XKR9: variants seen among roughly 807,000 people sequenced by gnomAD.
The protein encoded by XKR9 is XK related 9.
XKR9 carries 32 observed loss-of-function variants against 32.0 expected under a neutral mutation model. That is an observed-to-expected ratio of 1.00 (90% confidence interval 0.76 to 1.34). The LOEUF (loss-of-function observed/expected upper bound fraction) is 1.34, where lower values mean the gene tolerates loss of function less well. XKR9 is among the 40% of genes most tolerant of loss of function. XKR9 has a pLI of 0.00. For synonymous variants in XKR9, 168 were observed against 143.4 expected, an observed-to-expected ratio of 1.17 and a Z score of -1.22; for missense variants, 546 against 429.7, an observed-to-expected ratio of 1.27 and a Z score of -2.39.
the XKR9 span, among the ~76,000 whole-genome samples, chr8:70,880,163 TATC>T: frequency 2.0e-5 from 3 of 152,162 alleles, no homozygotes; most frequent in Non-Finnish European, 2.9e-5. Context: ...CCATAGTCAA[TATC>T]ATACTGAATG....
chr8:70,700,482 G>A (rs1425073423), intron 3 of XKR9, among the ~76,000 whole-genome samples: 1 of 152,172 alleles, frequency 6.6e-6, no homozygotes, highest in Non-Finnish European at 1.5e-5. Flanking sequence ...CAGCAGCGGT[G>A]GCTGCAGCAC....
At chr8:70,669,606 C>CTGTGTGTGTG (rs71560431) in intron 1 of XKR9, 68 bp downstream of exon 1, 2 of 148,038 alleles carry the variant, frequency 1.4e-5, no homozygotes, top group South Asian at 1.3e-4. Context: ...GGCAGTGGCT[C>CTGTGTGTGTG]TGTGTGTGTG....
chr8:70,938,873 C>T, the XKR9 span, among the ~76,000 whole-genome samples: 1 of 151,914 alleles, frequency 6.6e-6, no homozygotes, highest in African/African-American at 2.4e-5. Context: ...TATAGATCAA[C>T]CATTCAGCTT....
chr8:71,060,252 A>G, the XKR9 span, among the ~76,000 whole-genome samples: 4 of 152,256 alleles, frequency 2.6e-5, 1 homozygote, highest in East Asian at 5.8e-4. Flanking sequence ...GAACCTAGGG[A>G]ATAATCTGGG....
chr8:70,871,183 T>G, the XKR9 span, among the ~76,000 whole-genome samples: 3 of 152,334 alleles, frequency 2.0e-5, no homozygotes, highest in East Asian at 5.8e-4. Context: ...ATCTCCTTAC[T>G]AATTCATATA....
At chr8:70,809,688 G>A in the XKR9 span, among the ~76,000 whole-genome samples, 1 of 152,168 alleles carries the variant, frequency 6.6e-6, no homozygotes, top group East Asian at 1.9e-4. Flanking sequence ...GGAAGAAAGG[G>A]TATCAGTGAT....
chr8:70,702,939 T>G (rs1330051417), intron 3 of XKR9, among the ~76,000 whole-genome samples: 1 of 152,192 alleles, frequency 6.6e-6, no homozygotes. Flanking sequence ...TTGTTGTTTC[T>G]GGTGAGAAGT....
the XKR9 span, among the ~76,000 whole-genome samples, chr8:71,035,624 A>C: frequency 6.6e-6 from 1 of 152,234 alleles, no homozygotes; most frequent in Non-Finnish European, 1.5e-5. Context: ...GACATTTGAC[A>C]GTGGGGTAGA....
chr8:70,830,158 T>C, the XKR9 span, among the ~76,000 whole-genome samples: 3 of 152,182 alleles, frequency 2.0e-5, no homozygotes, highest in Admixed American at 6.5e-5. Context: ...TTGTGATTTC[T>C]TTCACCAAAA....
the XKR9 span, among the ~76,000 whole-genome samples, chr8:70,854,714 A>G: frequency 1.3e-5 from 2 of 152,072 alleles, no homozygotes; most frequent in Admixed American, 6.6e-5. Flanking sequence ...GTGTAAGGAA[A>G]GGATCCAGTT....
the XKR9 span, among the ~76,000 whole-genome samples, chr8:70,889,579 T>G: frequency 6.6e-6 from 1 of 151,874 alleles, no homozygotes; most frequent in African/African-American, 2.4e-5. Context: ...TAGTCCCCAG[T>G]GTCTATGGTT....
intron 2 of XKR9, among the ~76,000 whole-genome samples, chr8:70,779,141 G>T (rs1170629080): frequency 6.6e-6 from 1 of 152,150 alleles, no homozygotes; most frequent in Non-Finnish European, 1.5e-5. Context: ...CTAGTTTACT[G>T]AGAGTTTTTG....
chr8:70,758,361 C>T (rs1807259411), intron 2 of XKR9, among the ~76,000 whole-genome samples: 1 of 152,062 alleles, frequency 6.6e-6, no homozygotes, highest in African/African-American at 2.4e-5. Context: ...TATAATAACA[C>T]CCTGGAATAT....
the XKR9 span, among the ~76,000 whole-genome samples, chr8:71,002,540 C>T: frequency 6.6e-6 from 1 of 152,050 alleles, no homozygotes; most frequent in Non-Finnish European, 1.5e-5. Context: ...GGGCAAAACA[C>T]ATACATTCAA....
chr8:70,759,733 C>T (rs1205282338), intron 2 of XKR9, among the ~76,000 whole-genome samples: 1 of 152,120 alleles, frequency 6.6e-6, no homozygotes, highest in Non-Finnish European at 1.5e-5. Flanking sequence ...GGTGAGCTCA[C>T]CTGATGGACC....
the XKR9 span, among the ~76,000 whole-genome samples, chr8:70,912,292 G>A: frequency 6.6e-6 from 1 of 152,110 alleles, no homozygotes; most frequent in African/African-American, 2.4e-5. Context: ...ATCACTAGTA[G>A]TGTGAAATAT....
intron 4 of XKR9, among the ~76,000 whole-genome samples, chr8:70,711,154 G>A (rs1586844401): frequency 6.6e-6 from 1 of 152,166 alleles, no homozygotes; most frequent in Admixed American, 6.5e-5. Context: ...GAGAAAGGGG[G>A]ACTGTTATAC....
the XKR9 span, among the ~76,000 whole-genome samples, chr8:71,042,106 C>T: frequency 1.3e-5 from 2 of 152,126 alleles, no homozygotes; most frequent in African/African-American, 4.8e-5. Context: ...GCCATATGTG[C>T]TGGCTAACTT....
chr8:70,979,523 T>TGGA, the XKR9 span, among the ~76,000 whole-genome samples: 1 of 152,216 alleles, frequency 6.6e-6, no homozygotes, highest in Non-Finnish European at 1.5e-5. Flanking sequence ...TGGAGTTTGC[T>TGGA]GGAGGTCCAC....
Sources: allele counts gnomAD v4.1 joint callset (sites outside exome capture counted in the v4.1 genomes callset), GRCh38; gene constraint gnomAD v4.1.1; transcripts MANE v1.5; gene names NCBI Gene and HGNC (gene_info 2026-07-23, HGNC 2026-07-21).